DTNB: variants seen among roughly 807,000 people sequenced by gnomAD.
The protein encoded by DTNB is DTN-B.
In DTNB, 63 loss-of-function variants were observed where a neutral mutation model predicts 90.7. The observed-to-expected ratio is 0.69, with a 90% CI of 0.57 to 0.86. DTNB has a LOEUF of 0.86. Among genes scored for constraint, DTNB ranks in the 40% least tolerant of loss-of-function variants. The pLI is 0.00. For missense variants in DTNB, 744 were observed against 807.1 expected (o/e 0.92, Z 0.95); for synonymous variants, 277 against 286.7 (o/e 0.97, Z 0.34).
intron 5 of DTNB, among the ~76,000 whole-genome samples, chr2:25,600,006 G>A (rs1016289748): frequency 6.6e-6 from 1 of 152,158 alleles, no homozygotes; most frequent in Admixed American, 6.5e-5. Context: ...ACTGAAGGGG[G>A]AGGACCGCTT....
At chr2:25,502,913 G>T (rs1394346935) in intron 9 of DTNB, among the ~76,000 whole-genome samples, 9 of 148,952 alleles carry the variant, frequency 6.0e-5, no homozygotes, top group African/African-American at 2.0e-4. Flanking sequence ...AATCAGCAGG[G>T]TGTGGTGGCA....
intron 13 of DTNB, 140 bp from the exon 14 acceptor site, chr2:25,433,139 A>C: frequency 1.4e-6 from 1 of 737,452 alleles, no homozygotes; most frequent in South Asian, 1.9e-5. Flanking sequence ...CCAAGAGGTG[A>C]AATGGACACC....
chr2:25,544,132 TAC>T (rs1160966578), intron 8 of DTNB, among the ~76,000 whole-genome samples: 2 of 152,136 alleles, frequency 1.3e-5, no homozygotes, highest in African/African-American at 4.8e-5. Context: ...GGATGTGGAG[TAC>T]CACCCTCAGG....
At chr2:25,422,071 C>T (rs946334041) in intron 15 of DTNB, among the ~76,000 whole-genome samples, 13 of 152,094 alleles carry the variant, frequency 8.5e-5, no homozygotes. Context: ...AGGTCAGATC[C>T]CAGGTCTGAG....
chr2:25,511,778 T>G (rs2073999562), intron 9 of DTNB, among the ~76,000 whole-genome samples: 1 of 152,214 alleles, frequency 6.6e-6, no homozygotes, highest in South Asian at 2.1e-4. Flanking sequence ...TAAAAATTCA[T>G]CTCAATAAAC....
chr2:25,500,516 T>C (rs550767185), intron 9 of DTNB, among the ~76,000 whole-genome samples: 2 of 152,234 alleles, frequency 1.3e-5, no homozygotes, highest in South Asian at 4.1e-4. Flanking sequence ...AAATGTAAAA[T>C]GCCCCAAGAC....
chr2:25,653,634 CCTGAGTA>C (rs1559400117), intron 1 of DTNB, among the ~76,000 whole-genome samples: 11 of 151,400 alleles, frequency 7.3e-5, no homozygotes, highest in African/African-American at 2.4e-4. Context: ...GCCTCAGCCT[CCTGAGTA>C]GCTGGGATTA....
intron 16 of DTNB, 98 bp downstream of exon 16, chr2:25,419,417 A>G: frequency 6.5e-7 from 1 of 1,530,598 alleles, no homozygotes; most frequent in East Asian, 2.4e-5. Flanking sequence ...CCCTCTTCAG[A>G]GATGATGTGC....
At chr2:25,501,567 G>A (rs2070725423) in intron 9 of DTNB, among the ~76,000 whole-genome samples, 2 of 149,866 alleles carry the variant, frequency 1.3e-5, no homozygotes, top group South Asian at 4.1e-4. Context: ...GTTTCAGACA[G>A]AGTTTCACCA....
chr2:25,432,347 C>T (rs1213841459), intron 14 of DTNB, among the ~76,000 whole-genome samples: 7 of 152,114 alleles, frequency 4.6e-5, no homozygotes, highest in Non-Finnish European at 5.9e-5. Context: ...ATGGTGGTGA[C>T]GCTGCTCTCT....
chr2:25,482,655 A>T, intron 10 of DTNB, 141 bp downstream of exon 10: 2 of 801,514 alleles, frequency 2.5e-6, no homozygotes, highest in Non-Finnish European at 4.1e-6. Flanking sequence ...TTAAGACTAA[A>T]AGACGGTCAA....
chr2:25,652,970 G>T, intron 1 of DTNB: 1 of 220,842 alleles, frequency 4.5e-6, no homozygotes, highest in Non-Finnish European at 8.8e-6. Context: ...ATTAGTTGAG[G>T]TAACTTCCCA....
chr2:25,649,268 G>A (rs768921931), intron 2 of DTNB, among the ~76,000 whole-genome samples: 27 of 152,102 alleles, frequency 1.8e-4, no homozygotes, highest in Non-Finnish European at 3.5e-4. Context: ...GCCTCCGAAA[G>A]TGCTGGCATT....
intron 12 of DTNB, among the ~76,000 whole-genome samples, chr2:25,436,064 G>A (rs2055647163): frequency 1.3e-5 from 2 of 152,144 alleles, no homozygotes; most frequent in African/African-American, 2.4e-5. Context: ...GCCAGCAGGT[G>A]CGGTGGCTCA....
At position 25,540,415 on chromosome 2, in the gene DTNB, T is replaced by A. The variant is rs148228265; in HGVS notation, c.877-8818A>T. On this transcript the variant is annotated intron_variant, in intron 8 of 20. Transcript: ENST00000406818. ...CATATTTTGTATACAGCAGCCCTGC[T>A]CTTTTTTTATAAGTTGTGATAAAAC... is the stretch of plus-strand genomic sequence containing the variant. Among the ~76,000 whole-genome samples the A allele has an allele frequency of 9.5e-4, 144 of 151,026 alleles. 1 individual carries two copies. Among genetic ancestry groups the A allele is most frequent in the Admixed American group, 8.2e-3 (125 of 15,228 alleles).
At chr2:25,561,956 G>GT (rs1359261856) in intron 8 of DTNB, among the ~76,000 whole-genome samples, 4 of 152,152 alleles carry the variant, frequency 2.6e-5, no homozygotes, top group African/African-American at 9.7e-5. Context: ...AAATTCAGTG[G>GT]TTTTTAATAT....
chr2:25,402,147 A>G (rs2043891676), intron 16 of DTNB, among the ~76,000 whole-genome samples: 1 of 152,248 alleles, frequency 6.6e-6, no homozygotes, highest in African/African-American at 2.4e-5. Flanking sequence ...TGCTAGGAAG[A>G]TGCAGCTGTC....
intron 12 of DTNB, among the ~76,000 whole-genome samples, chr2:25,450,213 T>C (rs2059069429): frequency 6.6e-6 from 1 of 152,238 alleles, no homozygotes; most frequent in Non-Finnish European, 1.5e-5. Context: ...CAAATTGATT[T>C]ATTTGTATGG....
At chr2:25,390,506 C>T (rs112116641) in intron 16 of DTNB, among the ~76,000 whole-genome samples, 2,964 of 150,630 alleles carry the variant, frequency 0.02, 56 homozygotes, top group Non-Finnish European at 0.03. Flanking sequence ...TGAAGTGGTG[C>T]GATTTTGGCT....
Sources: gnomAD v4.1 joint callset for allele counts (sites outside exome capture counted in the v4.1 genomes callset) on GRCh38, gnomAD v4.1.1 for gene constraint, MANE v1.5 for transcripts, NCBI Gene and HGNC (gene_info 2026-07-23, HGNC 2026-07-21) for gene names.